CCNY: variants seen among roughly 807,000 people sequenced by gnomAD.
CCNY encodes the protein cyclin Y, also known as cyclin-Y.
In CCNY, 19 loss-of-function variants were observed where a neutral mutation model predicts 42.8. That is an observed-to-expected ratio of 0.44 (90% CI 0.31 to 0.65). The LOEUF is 0.65. Among genes scored for constraint, CCNY ranks in the 30% least tolerant of loss-of-function variants. The pLI is 0.07. For synonymous variants in CCNY, 165 were observed against 162.7 expected (o/e 1.01, Z -0.11); for missense variants, 370 against 437.3 (o/e 0.85, Z 1.37).
intron 1 of CCNY, among the ~76,000 whole-genome samples, chr10:35,446,320 A>T (rs1379871843): frequency 6.6e-6 from 1 of 152,236 alleles, no homozygotes; most frequent in East Asian, 1.9e-4. Context: ...TCTCTTCAAA[A>T]TACTTACATG....
intron 1 of CCNY, among the ~76,000 whole-genome samples, chr10:35,390,587 C>T (rs548235249): frequency 1.3e-5 from 2 of 152,340 alleles, no homozygotes; most frequent in African/African-American, 4.8e-5. Flanking sequence ...TCCCTTACCT[C>T]TCCCTTACTT....
intron 1 of CCNY, among the ~76,000 whole-genome samples, chr10:35,385,614 A>C (rs1264776242): frequency 6.6e-6 from 1 of 152,230 alleles, no homozygotes; most frequent in East Asian, 1.9e-4. Flanking sequence ...AGAATATTCC[A>C]GTTGCCCCAT....
At chr10:35,267,844 G>A (rs929196943) in intron 3 of CCNY, among the ~76,000 whole-genome samples, 1 of 152,190 alleles carries the variant, frequency 6.6e-6, no homozygotes, top group Admixed American at 6.5e-5. Flanking sequence ...AAACTGATGG[G>A]TTAACCCATA....
At chr10:35,491,723 C>G (rs938425776) in intron 2 of CCNY, among the ~76,000 whole-genome samples, 1 of 152,236 alleles carries the variant, frequency 6.6e-6, no homozygotes, top group African/African-American at 2.4e-5. Flanking sequence ...ACACCATTCT[C>G]CTGCCTCAGC....
chr10:35,516,483 C>T (rs769299236), intron 3 of CCNY, 40 bp from the exon 4 acceptor site: 2 of 1,343,950 alleles, frequency 1.5e-6, no homozygotes, highest in Admixed American at 3.4e-5. Flanking sequence ...AATTCTGAGC[C>T]CTGTGTAATT....
chr10:35,364,114 G>C (rs1836759555), intron 1 of CCNY, among the ~76,000 whole-genome samples: 1 of 152,154 alleles, frequency 6.6e-6, no homozygotes, highest in South Asian at 2.1e-4. Context: ...TCAAAGAGAT[G>C]ATGGAAGGAT....
intron 2 of CCNY, among the ~76,000 whole-genome samples, chr10:35,491,450 G>C (rs966186163): frequency 6.6e-6 from 1 of 152,098 alleles, no homozygotes; most frequent in Admixed American, 6.5e-5. Flanking sequence ...CCTGGCAAGA[G>C]GAGCCACCCC....
chr10:35,400,278 C>T (rs1002309380), intron 1 of CCNY, among the ~76,000 whole-genome samples: 91 of 1,846 alleles, frequency 0.049, no homozygotes, highest in African/African-American at 0.14. Context: ...CAGGGGGCGG[C>T]GGGGGTGGTG....
At chr10:35,394,969 T>C (rs1837490930) in intron 1 of CCNY, 2 of 404,408 alleles carry the variant, frequency 4.9e-6, no homozygotes, top group East Asian at 1.6e-4. Flanking sequence ...CGCCACATAT[T>C]CTTCCCACCC....
At chr10:35,253,583 C>A (rs2095713464) in intron 3 of CCNY, among the ~76,000 whole-genome samples, 1 of 151,574 alleles carries the variant, frequency 6.6e-6, no homozygotes, top group Admixed American at 6.6e-5. Context: ...TGATTTTTAT[C>A]ACTATCCATT....
chr10:35,327,010 T>C (rs2135100901), intron 3 of CCNY, among the ~76,000 whole-genome samples: 1 of 152,350 alleles, frequency 6.6e-6, no homozygotes, highest in Middle Eastern at 3.4e-3. Context: ...GCATGGATTC[T>C]ACTCTACAAC....
Position 35,263,811 on chromosome 10 carries a change from T to C in CCNY, c.-9+13185T>C, listed in dbSNP as rs1024889004. ...GCCTAGGTATTAAGGTCAGCGCCCA[T>C]TAGCTATTCTTCCTGATGCTTTTCC... On this transcript the variant is annotated intron_variant, in intron 3 of 11. Coordinates refer to the CCNY transcript ENST00000374706. 3.3e-5 allele frequency among the ~76,000 whole-genome samples: 5 copies of C among 152,192 alleles called. No individual in the cohort carries two copies. In the East Asian group the frequency reaches 9.6e-4, roughly 29 times the overall value.
At chr10:35,247,773 G>C (rs1056304783) in intron 1 of CCNY, among the ~76,000 whole-genome samples, 9 of 150,952 alleles carry the variant, frequency 6.0e-5, no homozygotes, top group African/African-American at 2.2e-4. Context: ...CTACTCGGGA[G>C]GCTGAGGCAA....
At chr10:35,565,210 T>C (rs1412094425) in intron 8 of CCNY, among the ~76,000 whole-genome samples, 2 of 152,296 alleles carry the variant, frequency 1.3e-5, no homozygotes, top group East Asian at 3.9e-4. Flanking sequence ...TGTAGATGGG[T>C]TGGCAGGGTG....
intron 3 of CCNY, among the ~76,000 whole-genome samples, chr10:35,321,808 C>G (rs892290829): frequency 6.6e-6 from 1 of 152,152 alleles, no homozygotes; most frequent in African/African-American, 2.4e-5. Context: ...TATCAAATTT[C>G]AAGACTGACT....
chr10:35,403,827 A>G (rs927893820), intron 1 of CCNY, among the ~76,000 whole-genome samples: 2 of 152,254 alleles, frequency 1.3e-5, no homozygotes, highest in African/African-American at 4.8e-5. Context: ...GAGATACTAT[A>G]GCATAGCCTG....
intron 1 of CCNY, among the ~76,000 whole-genome samples, chr10:35,381,616 A>G (rs923959253): frequency 1.3e-5 from 2 of 152,014 alleles, no homozygotes; most frequent in African/African-American, 2.4e-5. Context: ...GTTAAATCTG[A>G]CACTCCTGGT....
At chr10:35,420,333 C>A (rs2135262248) in intron 1 of CCNY, among the ~76,000 whole-genome samples, 1 of 152,166 alleles carries the variant, frequency 6.6e-6, no homozygotes, top group South Asian at 2.1e-4. Flanking sequence ...GGGATCCGAC[C>A]CCAGTGGCCC....
chr10:35,434,984 T>C (rs1248739546), intron 1 of CCNY, among the ~76,000 whole-genome samples: 3 of 152,162 alleles, frequency 2.0e-5, no homozygotes, highest in Non-Finnish European at 4.4e-5. Context: ...CTGAGCGCTG[T>C]GAGATGATGG....
Sources: gnomAD v4.1 joint callset for allele counts (sites outside exome capture counted in the v4.1 genomes callset) on GRCh38, gnomAD v4.1.1 for gene constraint, MANE v1.5 for transcripts, NCBI Gene and HGNC (gene_info 2026-07-23, HGNC 2026-07-21) for gene names.